Variants in ZSCAN1 observed in about 807,000 individuals in gnomAD.
ZSCAN1 encodes zinc finger and SCAN domain containing 1.
In ZSCAN1, 23 loss-of-function variants were observed where a neutral mutation model predicts 23.8. The observed-to-expected ratio is 0.97, with a 90% confidence interval of 0.70 to 1.37. ZSCAN1 has a LOEUF of 1.37. Among genes scored for constraint, ZSCAN1 ranks in the 40% most tolerant of loss-of-function variants. ZSCAN1 has a pLI of 0.00. For missense variants in ZSCAN1, 575 were observed against 554.0 expected, an observed-to-expected ratio of 1.04 and a Z score of -0.38; for synonymous variants, 236 against 232.3, an observed-to-expected ratio of 1.02 and a Z score of -0.15.
intron 3 of ZSCAN1, among the ~76,000 whole-genome samples, chr19:58,038,677 G>A (rs939493432): frequency 6.6e-6 from 1 of 152,228 alleles, no homozygotes; most frequent in Admixed American, 6.5e-5. Flanking sequence ...TTGAAACTGG[G>A]CTCCCTCCCT....
rs1330219846 is a variant in ZSCAN1, at chr19:58,046,402, C to T, written c.465+5858C>T. 5.7e-6 allele frequency: 5 copies of T among 880,706 alleles called. No individual in the cohort carries two copies. The East Asian group carries it at 1.2e-4, about 21-fold the overall frequency. 54.6% of individuals were successfully genotyped at this position (880,706 alleles called of 1,614,324 possible). Reference sequence around the variant, plus strand: ...CAAGAGATTGACAAAAAGGGTGCAGCAGATAATCGGGCAGATCAACGGCTT... The same window carrying T: ...CAAGAGATTGACAAAAAGGGTGCAGTAGATAATCGGGCAGATCAACGGCTT... On this transcript the variant is annotated intron_variant, in intron 4 of 5. Transcript: ENST00000282326.
At position 58,053,672 on chromosome 19, in the gene ZSCAN1, C is replaced by T. The variant is rs368295703; in HGVS notation, c.848C>T (p.Pro283Leu). 3.1e-5 allele frequency: 50 copies of T among 1,614,040 alleles called. No individual in the cohort carries two copies. In the Middle Eastern group the frequency reaches 6.6e-4, roughly 21 times the overall value. The part of the protein sequence containing the change: ...QEAVAGISVV[P>L]RGPRGGRPFQ... Reference sequence around the variant, plus strand: ...GCTGTTGCAGGCATCTCGGTAGTGCCGCGTGGGCCCCGAGGTGGGCGGCCC... The same window carrying T: ...GCTGTTGCAGGCATCTCGGTAGTGCTGCGTGGGCCCCGAGGTGGGCGGCCC... The change falls in exon 6 of 6, where the codon CCG (proline) becomes CTG (leucine). Residue 283 changes from proline (P) to leucine (L), a missense_variant. Pro to Leu is a moderately conservative substitution (Grantham distance 98). Transcript: ENST00000282326. The surrounding 1 kb of genome is among the most constrained non-coding windows in gnomAD (Gnocchi z 5.8).
intron 3 of ZSCAN1, among the ~76,000 whole-genome samples, chr19:58,038,876 G>A (rs531013515): frequency 5.3e-5 from 8 of 152,362 alleles, no homozygotes; most frequent in African/African-American, 1.7e-4. Context: ...GATGGTGAGA[G>A]CAGTCGTGGC....
intron 1 of ZSCAN1, among the ~76,000 whole-genome samples, chr19:58,034,405 G>T (rs1393226410): frequency 1.3e-5 from 2 of 151,672 alleles, no homozygotes; most frequent in Non-Finnish European, 3.0e-5. Flanking sequence ...CGCGGGGCGG[G>T]GACTGGGGGG....
chr19:58,041,826 T>G (rs1012304177), intron 4 of ZSCAN1, among the ~76,000 whole-genome samples: 1 of 152,172 alleles, frequency 6.6e-6, no homozygotes, highest in African/African-American at 2.4e-5. Flanking sequence ...TAGTAAGCTA[T>G]GATCATGTTT....
In ZSCAN1 at chr19:58,037,885, C is replaced by A; in HGVS notation, c.49C>A (p.Pro17Thr). 6.4e-7 allele frequency: 1 copy of A among 1,574,060 alleles called. No homozygotes were observed. Among genetic ancestry groups the A allele is most frequent in the Admixed American group, 1.8e-5 (1 of 56,918 alleles). ...APASPRRPQT[P>T]TPSEQDADPG... ...TGCCTCCCCCAGACGCCCCCAGACC[C>A]CAACCCCGAGTGAGCAGGACGCAGA... is the stretch of plus-strand genomic sequence containing the variant. Residue 17 changes from proline to threonine, a missense_variant, in exon 3 of 6, where the codon CCA becomes ACA. By Grantham distance (38) the Pro-to-Thr change is conservative. Transcript: ENST00000282326.
Position 58,053,366 on chromosome 19 carries a change from G to A in ZSCAN1, c.605-63G>A. The A allele has an allele frequency of 6.4e-7, 1 of 1,552,320 alleles. No homozygotes were observed. The highest frequency in any genetic ancestry group is 8.7e-7 in the Non-Finnish European group (1 of 1,146,076). Reference sequence around the variant, plus strand: ...CTGGGGTCCTCCGTGCCCCTGGGGAGCACAGGGAGATGCCAAGGCCATCCA... The same window carrying A: ...CTGGGGTCCTCCGTGCCCCTGGGGAACACAGGGAGATGCCAAGGCCATCCA... On this transcript the variant is annotated intron_variant, in intron 5 of 5. Coordinates refer to ENST00000282326, the MANE Select transcript of ZSCAN1 (RefSeq NM_182572.4). This position sits in a 1 kb window ranked among gnomAD's most constrained non-coding sequence, Gnocchi z 5.8.
chr19:58,043,962 T>C (rs1228193418), intron 4 of ZSCAN1, among the ~76,000 whole-genome samples: 1 of 151,490 alleles, frequency 6.6e-6, no homozygotes, highest in Non-Finnish European at 1.5e-5. Flanking sequence ...CCACTGTGCC[T>C]GGCGTAAAAA....
rs1321602491 is a variant in ZSCAN1, at chr19:58,047,512, C to T, written c.466-4978C>T. Among the ~76,000 whole-genome samples, 4 of 152,240 alleles carry T rather than the reference C, an allele frequency of 2.6e-5. No homozygotes were observed. The highest frequency in any genetic ancestry group is 1.3e-4 in the Admixed American group (2 of 15,286). ...TCTGACCCAAGCCACGCAACTCTGA[C>T]GTAGCCCTAGCCATGGGACTCCCTT... On this transcript the variant is annotated intron_variant, in intron 4 of 5. Transcript: ENST00000282326. The surrounding 1 kb of genome is among the most constrained non-coding windows in gnomAD (Gnocchi z 4.9).
rs2073843989 is a variant in ZSCAN1, at chr19:58,049,237, C to G, written c.466-3253C>G. On this transcript the variant is annotated intron_variant, in intron 4 of 5. Coordinates refer to ENST00000282326, the MANE Select transcript of ZSCAN1 (RefSeq NM_182572.4). This position sits in a 1 kb window ranked among gnomAD's most constrained non-coding sequence, Gnocchi z 4.5. Reference sequence around the variant, plus strand: ...AGCTCCTGTTCTTTCCGTTCCAAGGCCTTAAGAGCACTAGCAGCGTTTTCC... The same window carrying G: ...AGCTCCTGTTCTTTCCGTTCCAAGGGCTTAAGAGCACTAGCAGCGTTTTCC... 1 of 152,892 alleles carries G rather than the reference C, an allele frequency of 6.5e-6. No homozygotes were observed. The highest frequency in any genetic ancestry group is 1.5e-5 in the Non-Finnish European group (1 of 68,118). The allele number at this position is 152,892 out of a possible 1,614,324, so 9.5% of individuals were successfully genotyped here.
rs2073784026 is a variant in ZSCAN1 at position 58,040,853 on chromosome 19, CGT to C, written c.465+314_465+315del. ...CCTGTGTCACCCGCACCAGATGCTGCGTGTGTTGAGAAAGTCCTGCTGCCCCG... is the reference window on the plus strand; with the variant it reads ...CCTGTGTCACCCGCACCAGATGCTGCGTGTTGAGAAAGTCCTGCTGCCCCG... On this transcript the variant is annotated intron_variant, in intron 4 of 5. Coordinates refer to ENST00000282326, the MANE Select transcript of ZSCAN1 (RefSeq NM_182572.4). The surrounding 1 kb of genome is among the most constrained non-coding windows in gnomAD (Gnocchi z 5.8). Among the ~76,000 whole-genome samples, 1 of 152,174 alleles carries C rather than the reference CGT, an allele frequency of 6.6e-6. No homozygotes were observed. Among genetic ancestry groups the C allele is most frequent in the Admixed American group, 6.5e-5 (1 of 15,286 alleles).
intron 3 of ZSCAN1, 165 bp downstream of exon 3, chr19:58,038,371 T>A: frequency 1.1e-6 from 1 of 893,842 alleles, no homozygotes. Flanking sequence ...TTTTTACATA[T>A]AAATGTGCTG....
chr19:58,054,033 G>A lies in ZSCAN1; in HGVS notation c.1209G>A (p.Thr403=), dbSNP rs375800508. The part of the protein sequence containing the change: ...VHLIDHQKLH[T]AHGHM ...TCATTGACCACCAGAAGCTCCACACGGCCCACGGCCACATGTGAATGGCCA... is the reference window on the plus strand; with the variant it reads ...TCATTGACCACCAGAAGCTCCACACAGCCCACGGCCACATGTGAATGGCCA... Residue 403 remains threonine, a synonymous_variant, in exon 6 of 6, where the codon ACG becomes ACA. Coordinates refer to ENST00000282326, the MANE Select transcript of ZSCAN1 (RefSeq NM_182572.4). The surrounding 1 kb of genome is among the most constrained non-coding windows in gnomAD (Gnocchi z 4.2). 2.2e-5 allele frequency: 33 copies of A among 1,522,480 alleles called. No individual in the cohort carries two copies. Among genetic ancestry groups the A allele is most frequent in the Admixed American group, 2.1e-5 (1 of 47,808 alleles). The allele number at this position is 1,522,480 out of a possible 1,614,324, so 94.3% of individuals were successfully genotyped here. A position where few individuals can be genotyped will look rare whatever the true frequency, so the allele number is the denominator to read the frequency against.
chr19:58,055,154 C>T (rs1341459613), downstream of ZSCAN1, among the ~76,000 whole-genome samples: 1 of 152,202 alleles, frequency 6.6e-6, no homozygotes, highest in Admixed American at 6.5e-5. Context: ...ACTGTGAATC[C>T]GCACAGGCAG....
intron 4 of ZSCAN1, among the ~76,000 whole-genome samples, chr19:58,048,461 T>C (rs1449383214): frequency 4.6e-5 from 7 of 152,218 alleles, no homozygotes; most frequent in Non-Finnish European, 1.0e-4. Flanking sequence ...GGCTGGACGA[T>C]GGAGCGAGAC....
intron 2 of ZSCAN1, among the ~76,000 whole-genome samples, chr19:58,036,973 G>A (rs902558563): frequency 6.6e-6 from 1 of 152,054 alleles, no homozygotes. Flanking sequence ...TGTGAGCCAC[G>A]GCACCCGGCC....
Position 58,053,702 on chromosome 19 carries a change from A to G in ZSCAN1, c.878A>G (p.Gln293Arg). The change falls in exon 6 of 6, where the codon CAG becomes CGG. Residue 293 changes from glutamine (Q) to arginine (R), a missense_variant. Coordinates refer to ENST00000282326, the MANE Select transcript of ZSCAN1 (RefSeq NM_182572.4). The surrounding 1 kb of genome is among the most constrained non-coding windows in gnomAD (Gnocchi z 5.8). Reference sequence around the variant, plus strand: ...GGGCCCCGAGGTGGGCGGCCCTTCCAGTGTGCCGACTGTGGGATGGTCTTC... The same window carrying G: ...GGGCCCCGAGGTGGGCGGCCCTTCCGGTGTGCCGACTGTGGGATGGTCTTC... ...PRGPRGGRPF[Q>R]CADCGMVFTW... The G allele has an allele frequency of 6.2e-7, 1 of 1,614,072 alleles. No homozygotes were observed. Among genetic ancestry groups the G allele is most frequent in the South Asian group, 1.1e-5 (1 of 91,074 alleles).
In ZSCAN1 at chr19:58,052,463, C is replaced by T. The variant is rs188203057; in HGVS notation, c.466-27C>T. The T allele has an allele frequency of 9.1e-5, 147 of 1,613,546 alleles. No homozygotes were observed. The Middle Eastern group carries it at 1.5e-3, about 17-fold the overall frequency. ...AGGATGGCTCCTGAGGGGCAGCTGC[C>T]GAACAGTCCTGTGCTTGCCATTCTA... On this transcript the variant is annotated intron_variant, in intron 4 of 5. Coordinates refer to ENST00000282326, the MANE Select transcript of ZSCAN1 (RefSeq NM_182572.4).
In ZSCAN1 at chr19:58,047,003, C is replaced by T. The variant is rs533063427; in HGVS notation, c.466-5487C>T. 3.1e-4 allele frequency among the ~76,000 whole-genome samples: 47 copies of T among 152,374 alleles called. No individual in the cohort carries two copies. Among genetic ancestry groups the T allele is most frequent in the Admixed American group, 1.5e-3 (23 of 15,302 alleles). On this transcript the variant is annotated intron_variant, in intron 4 of 5. Coordinates refer to ENST00000282326, the MANE Select transcript of ZSCAN1 (RefSeq NM_182572.4). This position sits in a 1 kb window ranked among gnomAD's most constrained non-coding sequence, Gnocchi z 4.9. ...GATCCACACTGTGGTGTGGCTGCCA[C>T]GGCCTCCTGGCTCCAGAGGCGGCTG...
Sources: allele counts gnomAD v4.1 joint callset (sites outside exome capture counted in the v4.1 genomes callset), GRCh38; gene constraint gnomAD v4.1.1; non-coding constraint Gnocchi (gnomAD v3.1); transcripts MANE v1.5; gene names NCBI Gene and HGNC (gene_info 2026-07-23, HGNC 2026-07-21).